The following RBFOX1 variants were observed in gnomAD, a reference collection of about 807,000 sequenced individuals.
RBFOX1 encodes RNA binding fox-1 homolog 1.
RBFOX1 carries 8 observed loss-of-function variants against 57.7 expected under a neutral mutation model. The ratio of observed to expected loss-of-function variants is 0.14; its 90% confidence interval spans 0.08 to 0.25. RBFOX1 has a LOEUF of 0.25. Among genes scored for constraint, RBFOX1 ranks in the 10% least tolerant of loss-of-function variants. RBFOX1 has a pLI of 1.00. For missense variants in RBFOX1, 611 were observed against 548.5 expected (o/e 1.11, Z -1.14); for synonymous variants, 326 against 222.4 (o/e 1.47, Z -4.15).
Position 5,582,451 on chromosome 16 carries a change from G to A in RBFOX1, c.259-16451G>A, listed in dbSNP as rs200697329. On this transcript the variant is annotated intron_variant, in intron 2 of 2. Transcript: ENST00000585867. ...GTGCAAGTACAGTGCCCCTGTTAAC[G>A]ATGAGGAAACCAAGACCAGAGAGGT... Among the ~76,000 whole-genome samples, 22 of 151,938 alleles carry A rather than the reference G, an allele frequency of 1.4e-4. No homozygotes were observed. The East Asian group carries it at 3.7e-3, about 25-fold the overall frequency.
At chr16:7,526,265 T>C (rs988390649) in intron 5 of RBFOX1, among the ~76,000 whole-genome samples, 10 of 152,116 alleles carry the variant, frequency 6.6e-5, no homozygotes, top group Non-Finnish European at 1.3e-4. Flanking sequence ...ACCAAAAATT[T>C]TGGGGACTGC....
chr16:7,072,348 T>C (rs1414067098), intron 4 of RBFOX1, among the ~76,000 whole-genome samples: 1 of 152,190 alleles, frequency 6.6e-6, no homozygotes, highest in African/African-American at 2.4e-5. Context: ...TTACCCACAA[T>C]CTGTTATTCC....
At chr16:5,519,880 A>G (rs1013401991) in intron 2 of RBFOX1, among the ~76,000 whole-genome samples, 31 of 152,362 alleles carry the variant, frequency 2.0e-4, no homozygotes, top group Admixed American at 9.1e-4. Context: ...CATTCATTCA[A>G]TAATTCTTTA....
intron 4 of RBFOX1, among the ~76,000 whole-genome samples, chr16:7,200,188 G>T (rs111916681): frequency 1.8e-4 from 28 of 152,326 alleles, no homozygotes; most frequent in African/African-American, 6.5e-4. Context: ...AAAATCCTAG[G>T]AAGTAGTGAC....
At chr16:6,399,288 C>G (rs1252889591) in intron 2 of RBFOX1, among the ~76,000 whole-genome samples, 2 of 152,228 alleles carry the variant, frequency 1.3e-5, no homozygotes, top group Non-Finnish European at 2.9e-5. Flanking sequence ...ATGAAGGTGT[C>G]TAACATGCCC....
chr16:5,479,557 C>G (rs545811231), intron 2 of RBFOX1, among the ~76,000 whole-genome samples: 1 of 152,130 alleles, frequency 6.6e-6, no homozygotes, highest in African/African-American at 2.4e-5. Context: ...TCAGGAGTTC[C>G]AGACCAGCCT....
chr16:6,699,188 T>C (rs942618603), intron 3 of RBFOX1, among the ~76,000 whole-genome samples: 1 of 152,180 alleles, frequency 6.6e-6, no homozygotes, highest in East Asian at 1.9e-4. Context: ...ACCATTTTTA[T>C]CAGTATGCAA....
At chr16:6,350,189 C>G (rs574120489) in intron 2 of RBFOX1, among the ~76,000 whole-genome samples, 42 of 152,046 alleles carry the variant, frequency 2.8e-4, no homozygotes, top group Non-Finnish European at 4.7e-4. Context: ...GTAATCCCAG[C>G]TCTTTAGGAG....
intron 4 of RBFOX1, among the ~76,000 whole-genome samples, chr16:7,237,950 G>A (rs959767849): frequency 6.6e-6 from 1 of 152,216 alleles, no homozygotes. Flanking sequence ...GTTACAGTGA[G>A]CCCACGTCGC....
chr16:7,054,500 C>G lies in RBFOX1; in HGVS notation c.27+2402C>G, dbSNP rs1441511940. ...TCGTGATCCGCCAGCCTCGGCCCCC[C>G]AAGGTGATGGGATTACAGGTGTGAG... On this transcript the variant is annotated intron_variant, in intron 4 of 15. Transcript: ENST00000550418. Among the ~76,000 whole-genome samples the G allele has an allele frequency of 4.5e-5, 6 of 133,736 alleles. No homozygotes were observed. The East Asian group carries it at 1.5e-3, about 32-fold the overall frequency. 87.7% of individuals were successfully genotyped at this position (133,736 alleles called of 152,430 possible).
chr16:6,933,528 C>T (rs1225499481), intron 3 of RBFOX1, among the ~76,000 whole-genome samples: 2 of 152,178 alleles, frequency 1.3e-5, no homozygotes, highest in East Asian at 1.9e-4. Context: ...GCCTGACCAG[C>T]ATGGTGAAAT....
chr16:7,165,012 T>A (rs1007976648), intron 4 of RBFOX1, among the ~76,000 whole-genome samples: 1 of 152,234 alleles, frequency 6.6e-6, no homozygotes, highest in African/African-American at 2.4e-5. Context: ...CAAGTTGTGA[T>A]AATTTCAGTC....
chr16:6,758,918 G>C (rs372672563), intron 3 of RBFOX1, among the ~76,000 whole-genome samples: 1 of 151,970 alleles, frequency 6.6e-6, no homozygotes, highest in African/African-American at 2.4e-5. Context: ...CAGGGAGTCG[G>C]GGGGGAAAGA....
At chr16:5,856,220 T>TATATATATATAC (rs1555547635) in intron 3 of RBFOX1, among the ~76,000 whole-genome samples, 2 of 31,306 alleles carry the variant, frequency 6.4e-5, no homozygotes, top group African/African-American at 1.9e-4. Flanking sequence ...TATATATGTA[T>TATATATATATAC]ATATATATGT....
At chr16:6,231,232 GTGT>G (rs1323426495) in intron 1 of RBFOX1, among the ~76,000 whole-genome samples, 1 of 88,930 alleles carries the variant, frequency 1.1e-5, no homozygotes, top group Non-Finnish European at 2.5e-5. Context: ...GTGTGTGTGT[GTGT>G]GTAGGTGTGT....
At chr16:5,303,787 A>G (rs965310944) in intron 1 of RBFOX1, among the ~76,000 whole-genome samples, 3 of 151,824 alleles carry the variant, frequency 2.0e-5, no homozygotes, top group African/African-American at 7.3e-5. Context: ...TGAAAATTCC[A>G]ATAAAGCAAA....
chr16:6,557,208 A>T (rs184512274), intron 2 of RBFOX1, among the ~76,000 whole-genome samples: 24 of 150,170 alleles, frequency 1.6e-4, no homozygotes. Flanking sequence ...GGGAAAGAAC[A>T]ATCTGGCAAA....
chr16:5,712,606 C>T (rs1366431089), intron 3 of RBFOX1, among the ~76,000 whole-genome samples: 5 of 126,784 alleles, frequency 3.9e-5, no homozygotes, highest in Admixed American at 2.5e-4. Flanking sequence ...AGGTAGGTGA[C>T]TTATGTGTTA....
At chr16:6,409,047 T>C (rs2093374988) in intron 2 of RBFOX1, among the ~76,000 whole-genome samples, 1 of 152,226 alleles carries the variant, frequency 6.6e-6, no homozygotes, top group African/African-American at 2.4e-5. Flanking sequence ...TTTATAAATA[T>C]CTGTGACTTG....
Sources: allele counts gnomAD v4.1 joint callset (sites outside exome capture counted in the v4.1 genomes callset), GRCh38; gene constraint gnomAD v4.1.1; transcripts MANE v1.5; gene names NCBI Gene and HGNC (gene_info 2026-07-23, HGNC 2026-07-21).